Variants in ATR observed in about 807,000 individuals in gnomAD.
ATR encodes the protein serine/threonine-protein kinase ATR.
A neutral mutation model predicts 305.3 loss-of-function variants in ATR; 142 were observed. The ratio of observed to expected loss-of-function variants is 0.47; its 90% CI spans 0.41 to 0.53. The LOEUF is 0.53. ATR is among the 20% of genes least tolerant of loss of function. ATR has a pLI of 0.00. For missense variants in ATR, 2,135 were observed against 3,133.1 expected, an observed-to-expected ratio of 0.68 and a Z score of 7.60; for synonymous variants, 1,050 against 1,068.1, an observed-to-expected ratio of 0.98 and a Z score of 0.33.
chr3:142,476,442 C>T (rs2071452545), intron 36 of ATR, among the ~76,000 whole-genome samples: 1 of 151,916 alleles, frequency 6.6e-6, no homozygotes, highest in Admixed American at 6.6e-5. Flanking sequence ...TGTTCTGTTC[C>T]ATTGGTCTAT....
At chr3:142,528,872 T>TAC (rs1169370492) in intron 21 of ATR, among the ~76,000 whole-genome samples, 57 of 70,770 alleles carry the variant, frequency 8.1e-4, no homozygotes, top group Non-Finnish European at 1.3e-3. Flanking sequence ...TATATATATA[T>TAC]ATATATATTT....
intron 21 of ATR, among the ~76,000 whole-genome samples, chr3:142,531,226 C>T (rs1195716934): frequency 6.6e-6 from 1 of 151,344 alleles, no homozygotes; most frequent in African/African-American, 2.4e-5. Flanking sequence ...ACCTGAAAGT[C>T]TCTAGCAGTT....
chr3:142,570,543 C>T (rs950099401), intron 1 of ATR, among the ~76,000 whole-genome samples: 13 of 152,154 alleles, frequency 8.5e-5, no homozygotes, highest in Admixed American at 2.6e-4. Flanking sequence ...TGTACCACCA[C>T]GCCTGGCTAA....
chr3:142,519,663 A>G lies in ATR; in HGVS notation c.4382+6T>C, dbSNP rs758074436. 3 of 1,589,650 alleles carry G rather than the reference A, an allele frequency of 1.9e-6. No homozygotes were observed. In the South Asian group the frequency reaches 3.3e-5, roughly 18 times the overall value. Reference sequence around the variant, plus strand: ...TTATGAAAATACATTAAATAAGCCTACATACCTGGTATTTAGATGAGGTTC... The same window carrying G: ...TTATGAAAATACATTAAATAAGCCTGCATACCTGGTATTTAGATGAGGTTC... On this transcript the variant is annotated splice_donor_region_variant and intron_variant, in intron 24 of 46. Coordinates refer to ENST00000350721, the MANE Select transcript of ATR (RefSeq NM_001184.4).
At chr3:142,463,499 C>A (rs1379069397) in intron 41 of ATR, among the ~76,000 whole-genome samples, 1 of 152,158 alleles carries the variant, frequency 6.6e-6, no homozygotes, top group African/African-American at 2.4e-5. Flanking sequence ...CAGGCTCAAC[C>A]AATTCTCATG....
chr3:142,562,883 C>A lies in ATR; in HGVS notation c.519G>T (p.Val173=), dbSNP rs2108488363. Reference sequence around the variant, plus strand: ...ATTGACTTAAAAATCGGCTCATGACCACTGGCCATTCCACAGCATGACCCA... The same window carrying A: ...ATTGACTTAAAAATCGGCTCATGACAACTGGCCATTCCACAGCATGACCCA... The part of the protein sequence containing the change: ...NVMGHAVEWP[V]VMSRFLSQLD... The change falls in exon 4 of 47, where the codon GTG becomes GTT. Residue 173 remains valine, a synonymous_variant. Transcript: ENST00000350721. The A allele has an allele frequency of 6.2e-7, 1 of 1,612,884 alleles. No homozygotes were observed. Among genetic ancestry groups the A allele is most frequent in the South Asian group, 1.1e-5 (1 of 90,592 alleles).
Position 142,496,281 on chromosome 3 carries a change from TATATA to T in ATR, c.5898+75_5898+79del, listed in dbSNP as rs1559937355. ...TAAGGAAGTACATAATTCCCGACTA[TATATA>T]TATATATATATATATATATATATAT... On this transcript the variant is annotated intron_variant, in intron 34 of 46. Coordinates refer to ENST00000350721, the MANE Select transcript of ATR (RefSeq NM_001184.4). 2,684 of 72,520 alleles carry T rather than the reference TATATA, an allele frequency of 0.037. 476 individuals carry two copies. The highest frequency in any genetic ancestry group is 0.079 in the Middle Eastern group (14 of 178). 4.5% of individuals were successfully genotyped at this position (72,520 alleles called of 1,614,324 possible).
chr3:142,454,173 A>T (rs1330103686), intron 45 of ATR, among the ~76,000 whole-genome samples: 1 of 152,202 alleles, frequency 6.6e-6, no homozygotes, highest in East Asian at 1.9e-4. Flanking sequence ...CCTCTGGAAT[A>T]CATACTGTAT....
rs759372905 is a variant in ATR, at chr3:142,512,414, G to A, written c.4698C>T (p.Thr1566=). ...GACACAGATCAGATGCAATGTCTTGGGTATTTATGGTATGCTGATCGTCAT... is the reference window on the plus strand; with the variant it reads ...GACACAGATCAGATGCAATGTCTTGAGTATTTATGGTATGCTGATCGTCAT... ...LKHDDQHTIN[T]QDIASDLCQL... The change falls in exon 27 of 47, where the codon ACC becomes ACT. Residue 1566 remains threonine (T), a synonymous_variant. Coordinates refer to ENST00000350721, the MANE Select transcript of ATR (RefSeq NM_001184.4). 10 of 1,613,618 alleles carry A rather than the reference G, an allele frequency of 6.2e-6. No homozygotes were observed. Among genetic ancestry groups the A allele is most frequent in the South Asian group, 1.1e-5 (1 of 91,062 alleles).
chr3:142,563,178 C>T, intron 3 of ATR, 69 bp from the exon 4 acceptor site: 1 of 1,433,346 alleles, frequency 7.0e-7, no homozygotes, highest in Non-Finnish European at 9.5e-7. Context: ...TTGCTAAATC[C>T]TTGACGATTG....
At chr3:142,451,520 G>A (rs2070788385) in intron 46 of ATR, 1 of 1,414,420 alleles carries the variant, frequency 7.1e-7, no homozygotes, top group Non-Finnish European at 9.4e-7. Context: ...GAAACAGAAA[G>A]AGAACACCAA....
At chr3:142,523,540 A>G (rs1439994765) in intron 22 of ATR, among the ~76,000 whole-genome samples, 1 of 152,216 alleles carries the variant, frequency 6.6e-6, no homozygotes, top group Non-Finnish European at 1.5e-5. Context: ...TCTTGGAGAT[A>G]TAGTCTTAGA....
At chr3:142,463,126 TAACA>T (rs574865323) in intron 41 of ATR, among the ~76,000 whole-genome samples, 128 of 152,254 alleles carry the variant, frequency 8.4e-4, no homozygotes, top group African/African-American at 2.8e-3. Flanking sequence ...CCTCCAAAAC[TAACA>T]TAGTTTTTTA....
chr3:142,507,569 T>C (rs1427658637), intron 28 of ATR, among the ~76,000 whole-genome samples: 1 of 152,184 alleles, frequency 6.6e-6, no homozygotes, highest in Non-Finnish European at 1.5e-5. Flanking sequence ...AACCGACACT[T>C]TACTCTTTGG....
chr3:142,558,557 A>AATAC (rs1553771187), intron 8 of ATR, 67 bp downstream of exon 8: 1 of 598,814 alleles, frequency 1.7e-6, no homozygotes, highest in South Asian at 3.7e-5. Context: ...TAAATAAATA[A>AATAC]ATAGATAGAT....
At position 142,541,136 on chromosome 3, in the gene ATR, T is replaced by C. The variant is rs767509807; in HGVS notation, c.3451-102A>G. On this transcript the variant is annotated intron_variant, in intron 17 of 46. Coordinates refer to ENST00000350721, the MANE Select transcript of ATR (RefSeq NM_001184.4). ...CTTCCCACCCAGTATCAGGGTGTCA[T>C]CTATTCTCAGATAATACAAAAGATT... 11 of 1,401,960 alleles carry C rather than the reference T, an allele frequency of 7.8e-6. No individual in the cohort carries two copies. The African/African-American group carries it at 1.3e-4, about 16-fold the overall frequency. 86.8% of individuals were successfully genotyped at this position (1,401,960 alleles called of 1,614,324 possible).
intron 42 of ATR, among the ~76,000 whole-genome samples, chr3:142,461,347 T>C (rs2071020470): frequency 6.6e-6 from 1 of 152,186 alleles, no homozygotes; most frequent in Admixed American, 6.5e-5. Context: ...ATTGAAATTC[T>C]ATTAGTACAT....
intron 11 of ATR, 41 bp from the exon 12 acceptor site, chr3:142,553,781 C>G (rs775510083): frequency 6.2e-7 from 1 of 1,609,968 alleles, no homozygotes; most frequent in Non-Finnish European, 8.5e-7. Flanking sequence ...ATTTTTAGAG[C>G]TAGGTTGACG....
intron 32 of ATR, 63 bp from the exon 33 acceptor site, chr3:142,497,255 AAAGC>A (rs2031704054): frequency 5.3e-6 from 8 of 1,518,070 alleles, no homozygotes; most frequent in Non-Finnish European, 7.3e-6. Flanking sequence ...TCTCATATAT[AAAGC>A]AAGTACTTTA....
Sources: allele counts gnomAD v4.1 joint callset (sites outside exome capture counted in the v4.1 genomes callset), GRCh38; gene constraint gnomAD v4.1.1; transcripts MANE v1.5; gene names NCBI Gene and HGNC (gene_info 2026-07-23, HGNC 2026-07-21).